Variants in CASP9 observed in about 807,000 individuals in gnomAD.
The protein encoded by CASP9 is caspase 9, also known as caspase-9.
Under a neutral mutation model 43.5 loss-of-function variants are expected in CASP9, and 29 were observed. The ratio of observed to expected loss-of-function variants is 0.67; its 90% CI spans 0.50 to 0.91. CASP9 has a LOEUF of 0.91. Among genes scored for constraint, CASP9 ranks in the 40% least tolerant of loss-of-function variants. The probability of loss-of-function intolerance (pLI) is 0.00; values close to 1 mark genes in which losing one functional copy is unlikely to be tolerated. For missense variants in CASP9, 575 were observed against 537.4 expected, an observed-to-expected ratio of 1.07 and a Z score of -0.69; for synonymous variants, 206 against 211.9, an observed-to-expected ratio of 0.97 and a Z score of 0.24.
Position 15,493,938 on chromosome 1 carries a change from A to G in CASP9, c.1112T>C (p.Phe371Ser). The G allele has an allele frequency of 6.2e-7, 1 of 1,605,132 alleles. No individual in the cohort carries two copies. Among genetic ancestry groups the G allele is most frequent in the Non-Finnish European group, 8.5e-7 (1 of 1,175,382 alleles). Residue 371 changes from phenylalanine (F) to serine (S), a missense_variant, in exon 8 of 9, where the codon TTT becomes TCT. By Grantham distance (155) the Phe-to-Ser change is radical. Coordinates refer to ENST00000333868, the MANE Select transcript of CASP9 (RefSeq NM_001229.5). ...SWYVETLDDIFEQWAHSEDLQ... is the reference protein window; with the variant it reads ...SWYVETLDDISEQWAHSEDLQ... The stretch of plus-strand genomic sequence containing the variant: ...GTCTTCAGAGTGAGCCCACTGCTCA[A>G]AGATGTCGTCCAGGGTCTCAACGTA...
chr1:15,495,172 C>T, intron 7 of CASP9, 101 bp downstream of exon 7: 1 of 1,113,862 alleles, frequency 9.0e-7, no homozygotes, highest in Non-Finnish European at 1.3e-6. Flanking sequence ...AAAGACAGAA[C>T]CAGGACTCAT....
intron 8 of CASP9, 178 bp from the exon 9 acceptor site, chr1:15,493,213 C>G: frequency 7.1e-7 from 1 of 1,407,396 alleles, no homozygotes; most frequent in Non-Finnish European, 9.2e-7. Flanking sequence ...TTAAAAAACT[C>G]AAAATTCAAA....
intron 2 of CASP9, among the ~76,000 whole-genome samples, chr1:15,516,071 G>A (rs1406166526): frequency 2.0e-5 from 3 of 151,962 alleles, no homozygotes; most frequent in Admixed American, 6.6e-5. Context: ...GCATGGTGGC[G>A]GCTGCCTGTA....
intron 2 of CASP9, among the ~76,000 whole-genome samples, chr1:15,513,679 C>T (rs920859264): frequency 1.3e-5 from 2 of 152,170 alleles, no homozygotes; most frequent in African/African-American, 4.8e-5. Flanking sequence ...GCATCCCCAA[C>T]ACCTAGAACC....
In CASP9 at chr1:15,524,189, C is replaced by T; in HGVS notation, c.12G>A (p.Ala4=). The T allele has an allele frequency of 1.3e-6, 2 of 1,546,362 alleles. No individual in the cohort carries two copies. Among genetic ancestry groups the T allele is most frequent in the South Asian group, 2.4e-5 (2 of 84,416 alleles). The change falls in exon 1 of 9, where the codon GCG becomes GCA. Residue 4 remains alanine (A), a synonymous_variant. Coordinates refer to ENST00000333868, the MANE Select transcript of CASP9 (RefSeq NM_001229.5). MDE[A]DRRLLRRCRL... ...GGCACCGCCGCAGGAGCCGCCGATC[C>T]GCTTCGTCCATGGCGAGTAGCCAAC...
chr1:15,499,220 C>T (rs1283176316), intron 6 of CASP9, among the ~76,000 whole-genome samples: 2 of 152,154 alleles, frequency 1.3e-5, no homozygotes, highest in Non-Finnish European at 2.9e-5. Flanking sequence ...CTACTATTAC[C>T]AATGGCTGGG....
rs374789050 is a variant in CASP9, at chr1:15,518,282, C to T, written c.246G>A (p.Gln82=). 2.8e-5 allele frequency: 45 copies of T among 1,614,230 alleles called. No individual in the cohort carries two copies. The African/African-American group carries it at 5.9e-4, about 21-fold the overall frequency. Reference sequence around the variant, plus strand: ...TTCGCAGAAACGAAGCCAGCATGTCCTGGCCTGTGTCCTCTAAGCAGGAGA... The same window carrying T: ...TTCGCAGAAACGAAGCCAGCATGTCTTGGCCTGTGTCCTCTAAGCAGGAGA... ...LFISCLEDTG[Q]DMLASFLRTN... Residue 82 remains glutamine (Q), a synonymous_variant, in exon 2 of 9, where the codon CAG becomes CAA. Transcript: ENST00000333868.
intron 8 of CASP9, chr1:15,493,254 T>G (rs1708959866): frequency 7.2e-7 from 1 of 1,394,968 alleles, no homozygotes; most frequent in African/African-American, 1.5e-5. Flanking sequence ...CAAATCAGAC[T>G]GAAATATTTG....
upstream of CASP9, chr1:15,524,805 C>G: frequency 1.0e-6 from 1 of 989,146 alleles, no homozygotes; most frequent in Non-Finnish European, 1.2e-6. Context: ...GGTCTCGCCC[C>G]GCCCCCAGGA....
intron 6 of CASP9, among the ~76,000 whole-genome samples, chr1:15,498,704 A>C (rs1709205451): frequency 6.7e-6 from 1 of 149,906 alleles, no homozygotes; most frequent in Admixed American, 6.7e-5. Flanking sequence ...CAGATATAGA[A>C]CTATAGAACA....
chr1:15,502,735 T>C (rs547711902), intron 6 of CASP9, among the ~76,000 whole-genome samples: 4 of 152,334 alleles, frequency 2.6e-5, no homozygotes, highest in African/African-American at 7.2e-5. Flanking sequence ...CAAGACTGAC[T>C]AACTGTCCAG....
At chr1:15,521,211 A>G (rs1019092682) in intron 1 of CASP9, among the ~76,000 whole-genome samples, 1 of 149,816 alleles carries the variant, frequency 6.7e-6, no homozygotes, top group Non-Finnish European at 1.5e-5. Flanking sequence ...TGGAGGTTGC[A>G]GTGAGCTGAG....
chr1:15,495,469 C>A lies in CASP9; in HGVS notation c.869-17G>T. The A allele has an allele frequency of 6.4e-7, 1 of 1,556,690 alleles. No homozygotes were observed. Among genetic ancestry groups the A allele is most frequent in the Non-Finnish European group, 8.7e-7 (1 of 1,152,844 alleles). The stretch of plus-strand genomic sequence containing the variant: ...CTTTCTGCTCTGCAGGAAGCAGAAA[C>A]AAACACCTCTTGTCATTGAAATACA... On this transcript the variant is annotated splice_polypyrimidine_tract_variant and intron_variant, in intron 6 of 8. Transcript: ENST00000333868.
intron 6 of CASP9, among the ~76,000 whole-genome samples, chr1:15,495,985 CTG>C (rs1424719615): frequency 6.6e-6 from 1 of 152,214 alleles, no homozygotes; most frequent in Non-Finnish European, 1.5e-5. Context: ...TACCTGAAAA[CTG>C]TGTACTTCTC....
At chr1:15,521,392 T>C (rs1710193467) in intron 1 of CASP9, among the ~76,000 whole-genome samples, 1 of 152,110 alleles carries the variant, frequency 6.6e-6, no homozygotes, top group Non-Finnish European at 1.5e-5. Flanking sequence ...TCCGGAGACC[T>C]AAACCCCTCC....
intron 2 of CASP9, among the ~76,000 whole-genome samples, chr1:15,516,249 G>A (rs930574462): frequency 6.6e-6 from 1 of 151,098 alleles, no homozygotes; most frequent in Admixed American, 6.6e-5. Context: ...CAGCTATCCA[G>A]GAGGCCGAGA....
chr1:15,510,829 G>A (rs1199542299), intron 2 of CASP9, among the ~76,000 whole-genome samples: 1 of 152,142 alleles, frequency 6.6e-6, no homozygotes, highest in African/African-American at 2.4e-5. Context: ...ATGGCTAAGT[G>A]TGTGCAAAAG....
chr1:15,505,767 A>G (rs889097157), intron 5 of CASP9, among the ~76,000 whole-genome samples: 1 of 152,206 alleles, frequency 6.6e-6, no homozygotes. Flanking sequence ...TCCCTCTCCC[A>G]GAGGGCTTCT....
chr1:15,520,478 CTAATA>C (rs1395945458), intron 1 of CASP9, among the ~76,000 whole-genome samples: 3 of 152,160 alleles, frequency 2.0e-5, no homozygotes, highest in African/African-American at 4.8e-5. Flanking sequence ...TGTTGCATTG[CTAATA>C]TAACTTAGGA....
Sources: allele counts gnomAD v4.1 joint callset (sites outside exome capture counted in the v4.1 genomes callset), GRCh38; gene constraint gnomAD v4.1.1; transcripts MANE v1.5; gene names NCBI Gene and HGNC (gene_info 2026-07-23, HGNC 2026-07-21).